The following COL6A5 variants were observed in gnomAD, a reference collection of about 807,000 sequenced individuals.
COL6A5 encodes the protein collagen type VI alpha 5 chain, also known as collagen alpha-5(VI) chain.
A neutral mutation model predicts 65.6 loss-of-function variants in COL6A5; 48 were observed. The observed-to-expected ratio is 0.73, with a 90% CI of 0.58 to 0.93. The LOEUF is 0.93. COL6A5 is among the 40% of genes least tolerant of loss of function. The pLI, the probability that COL6A5 is intolerant of heterozygous loss-of-function variation, is 0.00. For synonymous variants in COL6A5, 291 were observed against 322.8 expected (o/e 0.90, Z 1.05); for missense variants, 914 against 928.3 (o/e 0.98, Z 0.20).
intron 5 of COL6A5, among the ~76,000 whole-genome samples, chr3:130,463,136 TAAGA>T (rs1442551551): frequency 6.6e-6 from 1 of 152,080 alleles, no homozygotes; most frequent in African/African-American, 2.4e-5. Flanking sequence ...GATTAAATAC[TAAGA>T]AAGTAGAAAA....
intron 23 of COL6A5, 34 bp downstream of exon 23, chr3:130,415,741 C>T: frequency 6.7e-7 from 1 of 1,482,758 alleles, no homozygotes; most frequent in Non-Finnish European, 9.0e-7. Flanking sequence ...CTCAATGACT[C>T]TCAACAGTTA....
intron 1 of COL6A5, among the ~76,000 whole-genome samples, chr3:130,432,166 T>G (rs1937845109): frequency 6.6e-6 from 1 of 152,202 alleles, no homozygotes; most frequent in Non-Finnish European, 1.5e-5. Flanking sequence ...CAGCTCGTGC[T>G]GTATGCCAGG....
intron 5 of COL6A5, among the ~76,000 whole-genome samples, chr3:130,457,067 C>CT (rs11405403): frequency 0.82 from 124,070 of 151,922 alleles, 52,767 homozygotes; most frequent in Non-Finnish European, 0.93. Flanking sequence ...TTAGTTAAAA[C>CT]TTTTTTTATT....
chr3:130,405,620 C>T (rs766345438), exon 14 of COL6A5: 4 of 1,550,744 alleles, frequency 2.6e-6, no homozygotes, highest in East Asian at 2.4e-5. Context: ...CCCAAGGAGA[C>T]AAAGGGATTG....
At chr3:130,476,306 C>T (rs1710096500) in intron 7 of COL6A5, among the ~76,000 whole-genome samples, 1 of 152,084 alleles carries the variant, frequency 6.6e-6, no homozygotes, top group African/African-American at 2.4e-5. Flanking sequence ...CTTATGACCT[C>T]ATTTAACCTT....
chr3:130,464,114 C>A (rs151082078), intron 5 of COL6A5, among the ~76,000 whole-genome samples: 5 of 152,016 alleles, frequency 3.3e-5, no homozygotes, highest in African/African-American at 1.2e-4. Flanking sequence ...TCTACTAGAA[C>A]ATTTATGAAA....
chr3:130,365,851 A>G (rs1333710676), intron 1 of COL6A5, among the ~76,000 whole-genome samples: 1 of 152,186 alleles, frequency 6.6e-6, no homozygotes, highest in Non-Finnish European at 1.5e-5. Context: ...AAACTCTGGG[A>G]GTGGGACCTG....
At chr3:130,484,538 A>G (rs1710326556) in exon 8 of COL6A5, 1 of 398,918 alleles carries the variant, frequency 2.5e-6, no homozygotes, top group Admixed American at 4.4e-5. Context: ...TTCATCTAGC[A>G]GTGATTGTCT....
intron 24 of COL6A5, among the ~76,000 whole-genome samples, chr3:130,417,671 T>C (rs1391047): frequency 0.88 from 134,467 of 152,038 alleles, 59,769 homozygotes; most frequent in Non-Finnish European, 0.93. Flanking sequence ...AGAGAGCAAA[T>C]GATTAACCTC....
exon 25 of COL6A5, chr3:130,418,901 A>G: frequency 6.4e-7 from 1 of 1,550,796 alleles, no homozygotes. Flanking sequence ...ATCTAGGGCC[A>G]GTGGGGCAAA....
At chr3:130,360,718 T>C (rs1363448242) in intron 1 of COL6A5, among the ~76,000 whole-genome samples, 4 of 152,152 alleles carry the variant, frequency 2.6e-5, no homozygotes, top group Non-Finnish European at 2.9e-5. Context: ...TCCAGACTAC[T>C]ACCATAGCCC....
At chr3:130,362,312 ATATATATATATATATTTTTTTT>A (rs1417776107) in intron 1 of COL6A5, among the ~76,000 whole-genome samples, 1,383 of 13,828 alleles carry the variant, frequency 0.1, 46 homozygotes, top group Non-Finnish European at 0.14. Context: ...ATATATATAT[ATATATATATATATATTTTTTTT>A]TTTTTTTTTT....
At chr3:130,471,328 A>T (rs924385825) in intron 7 of COL6A5, among the ~76,000 whole-genome samples, 2 of 152,108 alleles carry the variant, frequency 1.3e-5, no homozygotes, top group Non-Finnish European at 2.9e-5. Flanking sequence ...GCAGAATAAA[A>T]ACATAAAAAA....
intron 28 of COL6A5, among the ~76,000 whole-genome samples, chr3:130,423,366 G>T (rs1275334795): frequency 6.6e-6 from 1 of 152,120 alleles, no homozygotes; most frequent in Non-Finnish European, 1.5e-5. Flanking sequence ...TGTGAAAAAA[G>T]ATGCAACTTA....
At chr3:130,382,931 A>G (rs186066608) in intron 4 of COL6A5, among the ~76,000 whole-genome samples, 1 of 152,216 alleles carries the variant, frequency 6.6e-6, no homozygotes, top group Non-Finnish European at 1.5e-5. Context: ...CTCTCCCTAT[A>G]GATATGCCAA....
In COL6A5 at chr3:130,403,601, C is replaced by A; in HGVS notation, c.4228-8C>A. Reference sequence around the variant, plus strand: ...GACTAAAATGTATTGTTCTCTCTTTCTTCCCAGGGTTCTCAAGGTCTGAAA... The same window carrying A: ...GACTAAAATGTATTGTTCTCTCTTTATTCCCAGGGTTCTCAAGGTCTGAAA... On this transcript the variant is annotated splice_polypyrimidine_tract_variant and splice_region_variant and intron_variant and NMD_transcript_variant, in intron 12 of 41. Coordinates refer to the COL6A5 transcript ENST00000312481. 6.5e-7 allele frequency: 1 copy of A among 1,550,286 alleles called. No homozygotes were observed. The highest frequency in any genetic ancestry group is 8.7e-7 in the Non-Finnish European group (1 of 1,146,164).
chr3:130,389,907 A>C (rs1041739301), intron 6 of COL6A5, among the ~76,000 whole-genome samples: 1 of 152,192 alleles, frequency 6.6e-6, no homozygotes, highest in East Asian at 1.9e-4. Flanking sequence ...TAAGAAAACA[A>C]ACCCAAGTAA....
exon 7 of COL6A5, chr3:130,391,341 A>G (rs536077168): frequency 6.4e-7 from 1 of 1,551,730 alleles, no homozygotes; most frequent in East Asian, 2.4e-5. Flanking sequence ...AAATACTCTG[A>G]CCAACCTAAC....
intron 5 of COL6A5, among the ~76,000 whole-genome samples, chr3:130,388,086 T>C (rs1936262005): frequency 6.6e-6 from 1 of 152,034 alleles, no homozygotes; most frequent in Admixed American, 6.6e-5. Context: ...ATTTCTAATA[T>C]TGATTTATAG....
Sources: allele counts gnomAD v4.1 joint callset (sites outside exome capture counted in the v4.1 genomes callset), GRCh38; gene constraint gnomAD v4.1.1; transcripts MANE v1.5; gene names NCBI Gene and HGNC (gene_info 2026-07-23, HGNC 2026-07-21).